The following ATP9A variants were observed in gnomAD, a reference collection of about 807,000 sequenced individuals.
ATP9A encodes probable phospholipid-transporting ATPase IIA.
ATP9A carries 52 observed loss-of-function variants against 144.1 expected under a neutral mutation model. The ratio of observed to expected loss-of-function variants is 0.36; its 90% CI spans 0.29 to 0.45. The LOEUF is 0.45. ATP9A is among the 20% of genes least tolerant of loss of function. The pLI is 1.00. For synonymous variants in ATP9A, 582 were observed against 557.4 expected, an observed-to-expected ratio of 1.04 and a Z score of -0.62; for missense variants, 947 against 1,392.7, an observed-to-expected ratio of 0.68 and a Z score of 5.09.
chr20:51,721,674 G>A (rs1431136954), intron 3 of ATP9A, among the ~76,000 whole-genome samples: 2 of 151,402 alleles, frequency 1.3e-5, no homozygotes, highest in Admixed American at 6.6e-5. Context: ...GGTGGCAGGC[G>A]CCTGTAGTCC....
In ATP9A at chr20:51,712,705, T is replaced by C. The variant is rs2077644900; in HGVS notation, c.436+261A>G. On this transcript the variant is annotated intron_variant, in intron 4 of 27. Coordinates refer to ENST00000338821, the MANE Select transcript of ATP9A (RefSeq NM_006045.3). ...CCAGCTGGGATGCCAGCACACAAAA[T>C]GTAATTCCAGGTTTATGACACATAA... Among the ~76,000 whole-genome samples, 4 of 152,226 alleles carry C rather than the reference T, an allele frequency of 2.6e-5. No homozygotes were observed. The South Asian group carries it at 6.2e-4, about 24-fold the overall frequency.
At chr20:51,678,461 G>A (rs1454729187) in intron 9 of ATP9A, among the ~76,000 whole-genome samples, 1 of 152,182 alleles carries the variant, frequency 6.6e-6, no homozygotes, top group East Asian at 1.9e-4. Flanking sequence ...TCCTTCAAGG[G>A]TCTAACACAC....
intron 15 of ATP9A, among the ~76,000 whole-genome samples, chr20:51,630,308 C>T (rs1313029364): frequency 6.6e-6 from 1 of 152,216 alleles, no homozygotes; most frequent in East Asian, 1.9e-4. Context: ...GAAAACTGAG[C>T]ATGGCCATCA....
At chr20:51,755,220 A>G (rs1215845239) in intron 1 of ATP9A, among the ~76,000 whole-genome samples, 1 of 151,840 alleles carries the variant, frequency 6.6e-6, no homozygotes, top group Admixed American at 6.6e-5. Flanking sequence ...GGCGGATCAC[A>G]AGGTCAGGAG....
At chr20:51,648,203 G>A (rs909221793) in intron 14 of ATP9A, among the ~76,000 whole-genome samples, 2 of 152,220 alleles carry the variant, frequency 1.3e-5, no homozygotes, top group Middle Eastern at 3.4e-3. Flanking sequence ...TACATCTTAT[G>A]GTTCACCAAG....
chr20:51,646,017 G>A (rs1170584378), intron 14 of ATP9A, among the ~76,000 whole-genome samples: 1 of 152,180 alleles, frequency 6.6e-6, no homozygotes, highest in Non-Finnish European at 1.5e-5. Context: ...TACATTAGAC[G>A]CGAGCTGGAT....
chr20:51,606,187 G>A (rs1417575038), intron 26 of ATP9A, among the ~76,000 whole-genome samples: 2 of 151,800 alleles, frequency 1.3e-5, no homozygotes, highest in Non-Finnish European at 2.9e-5. Flanking sequence ...AAACCATAAG[G>A]CGGAGGTTGC....
At chr20:51,753,747 A>C (rs142364841) in intron 1 of ATP9A, among the ~76,000 whole-genome samples, 3,595 of 148,268 alleles carry the variant, frequency 0.024, 62 homozygotes, top group Non-Finnish European at 0.038. Flanking sequence ...ACTCACTGCA[A>C]CCTCCGCCTC....
chr20:51,680,462 C>T (rs2077495574), intron 9 of ATP9A, among the ~76,000 whole-genome samples: 1 of 152,126 alleles, frequency 6.6e-6, no homozygotes, highest in African/African-American at 2.4e-5. Context: ...ACCTTCTCTG[C>T]CAAGCTCCTG....
At chr20:51,650,908 C>A (rs998394453) in intron 14 of ATP9A, among the ~76,000 whole-genome samples, 1 of 151,700 alleles carries the variant, frequency 6.6e-6, no homozygotes, top group African/African-American at 2.4e-5. Flanking sequence ...CACATACACA[C>A]ACACACACAC....
At chr20:51,678,744 G>GA (rs1236612924) in intron 9 of ATP9A, among the ~76,000 whole-genome samples, 1 of 152,222 alleles carries the variant, frequency 6.6e-6, no homozygotes, top group African/African-American at 2.4e-5. Flanking sequence ...CAGGGTCAGA[G>GA]AGGGCCCCAG....
chr20:51,670,479 T>C (rs1383051970), intron 12 of ATP9A, among the ~76,000 whole-genome samples: 2 of 152,216 alleles, frequency 1.3e-5, no homozygotes, highest in South Asian at 2.1e-4. Context: ...ACATCCCTAA[T>C]GGCAGAGCCC....
At chr20:51,690,182 A>G (rs948781338) in intron 8 of ATP9A, among the ~76,000 whole-genome samples, 1 of 139,824 alleles carries the variant, frequency 7.2e-6, no homozygotes, top group East Asian at 2.4e-4. Flanking sequence ...GCACTTTGGG[A>G]GGCCAAGGCG....
intron 1 of ATP9A, among the ~76,000 whole-genome samples, chr20:51,744,354 T>G (rs1312412413): frequency 6.6e-6 from 1 of 152,070 alleles, no homozygotes; most frequent in African/African-American, 2.4e-5. Flanking sequence ...TTAGTAGAGA[T>G]GGGGTTTCAC....
At chr20:51,751,882 C>T (rs6096560) in intron 1 of ATP9A, among the ~76,000 whole-genome samples, 108 of 152,216 alleles carry the variant, frequency 7.1e-4, no homozygotes, top group African/African-American at 2.4e-3. Flanking sequence ...GCCACCGCGC[C>T]CGGCCGCTCC....
intron 18 of ATP9A, 60 bp downstream of exon 18, chr20:51,625,132 C>T: frequency 6.5e-7 from 1 of 1,532,790 alleles, no homozygotes; most frequent in Non-Finnish European, 8.8e-7. Context: ...TCTCCCTGCA[C>T]TGCTGAGGGA....
intron 1 of ATP9A, among the ~76,000 whole-genome samples, chr20:51,752,886 T>C (rs964803144): frequency 2.0e-5 from 3 of 152,172 alleles, no homozygotes; most frequent in Admixed American, 1.3e-4. Context: ...GTGGATCACC[T>C]GAGGCTGGGA....
At chr20:51,664,341 C>T (rs1295275568) in intron 13 of ATP9A, among the ~76,000 whole-genome samples, 1 of 152,154 alleles carries the variant, frequency 6.6e-6, no homozygotes, top group African/African-American at 2.4e-5. Context: ...AATCCCAGCA[C>T]TTTGAGAGGC....
At chr20:51,723,180 A>G (rs2077696986) in intron 3 of ATP9A, among the ~76,000 whole-genome samples, 1 of 152,162 alleles carries the variant, frequency 6.6e-6, no homozygotes, top group African/African-American at 2.4e-5. Flanking sequence ...TGTTTTCACT[A>G]ATATGTGGGA....
Sources: gnomAD v4.1 joint callset for allele counts (sites outside exome capture counted in the v4.1 genomes callset) on GRCh38, gnomAD v4.1.1 for gene constraint, MANE v1.5 for transcripts, NCBI Gene and HGNC (gene_info 2026-07-23, HGNC 2026-07-21) for gene names.